Variants in POLE observed in about 807,000 individuals in gnomAD.
POLE encodes DNA polymerase epsilon, catalytic subunit, also known as DNA polymerase epsilon catalytic subunit A.
In POLE, 188 loss-of-function variants were observed where a neutral mutation model predicts 279.2. The ratio of observed to expected loss-of-function variants is 0.67; its 90% confidence interval spans 0.60 to 0.76. POLE has a LOEUF of 0.76. Ranked by LOEUF, POLE falls within the 30% of genes least tolerant of loss-of-function variation. POLE has a pLI of 0.00. For synonymous variants in POLE, 1,214 were observed against 1,172.5 expected, an observed-to-expected ratio of 1.04 and a Z score of -0.72; for missense variants, 2,703 against 3,016.7, an observed-to-expected ratio of 0.90 and a Z score of 2.44.
Position 132,679,695 on chromosome 12 carries a change from G to A in POLE, c.424-44C>T, listed in dbSNP as rs370458032. Reference sequence around the variant, plus strand: ...ACGCTCATTGGTTCAAGAGAAATAGGACTTTATGGGTGAGAGGGTAAACAC... The same window carrying A: ...ACGCTCATTGGTTCAAGAGAAATAGAACTTTATGGGTGAGAGGGTAAACAC... On this transcript the variant is annotated intron_variant, in intron 5 of 48. Transcript: ENST00000320574. 87 of 1,581,474 alleles carry A rather than the reference G, an allele frequency of 5.5e-5. No homozygotes were observed. Among genetic ancestry groups the A allele is most frequent in the Non-Finnish European group, 6.6e-5 (76 of 1,154,944 alleles).
chr12:132,674,989 G>A (rs956205386), intron 12 of POLE, among the ~76,000 whole-genome samples: 1 of 151,898 alleles, frequency 6.6e-6, no homozygotes, highest in Non-Finnish European at 1.5e-5. Context: ...GTGACTCTCC[G>A]AAGCTCTGAG....
chr12:132,638,156 G>A lies in POLE; in HGVS notation c.5553-17C>T, dbSNP rs2138502895. The A allele has an allele frequency of 1.2e-6, 2 of 1,612,866 alleles. No homozygotes were observed. The highest frequency in any genetic ancestry group is 1.7e-6 in the Non-Finnish European group (2 of 1,179,368). ...GCGATGAGCCTGTGGAGCAAGTTGA[G>A]AGTCCGTGGTGGAGACGCCACAGTC... On this transcript the variant is annotated splice_polypyrimidine_tract_variant and intron_variant, in intron 40 of 48. Coordinates refer to ENST00000320574, the MANE Select transcript of POLE (RefSeq NM_006231.4).
chr12:132,656,315 A>G (rs949912956), intron 29 of POLE, among the ~76,000 whole-genome samples: 1 of 151,844 alleles, frequency 6.6e-6, no homozygotes, highest in African/African-American at 2.4e-5. Context: ...TATAACTCTT[A>G]CAAATAAGAC....
At chr12:132,671,984 C>T (rs1451277634) in intron 16 of POLE, among the ~76,000 whole-genome samples, 1 of 152,184 alleles carries the variant, frequency 6.6e-6, no homozygotes, top group Non-Finnish European at 1.5e-5. Context: ...GACCCACCTT[C>T]CATGTTACTG....
At chr12:132,645,799 C>CA (rs2042269660) in intron 32 of POLE, among the ~76,000 whole-genome samples, 1 of 102,828 alleles carries the variant, frequency 9.7e-6, no homozygotes, top group African/African-American at 5.2e-5. Context: ...CACACACACA[C>CA]CCACACACAC....
rs185086932 is a variant in POLE at position 132,647,571 on chromosome 12, G to A, written c.4149+1358C>T. 3.3e-5 allele frequency among the ~76,000 whole-genome samples: 5 copies of A among 152,160 alleles called. No homozygotes were observed. In the East Asian group the frequency reaches 9.7e-4, roughly 29 times the overall value. Reference sequence around the variant, plus strand: ...AACAGCTAATACACACAGAGGAACAGAATCTGAAGATATCATCCTGGAGCC... The same window carrying A: ...AACAGCTAATACACACAGAGGAACAAAATCTGAAGATATCATCCTGGAGCC... On this transcript the variant is annotated intron_variant, in intron 32 of 48. Transcript: ENST00000320574.
chr12:132,675,611 C>A lies in POLE; in HGVS notation c.1107-94G>T. 6.3e-7 allele frequency: 1 copy of A among 1,592,660 alleles called. No homozygotes were observed. Among genetic ancestry groups the A allele is most frequent in the Non-Finnish European group, 8.6e-7 (1 of 1,165,940 alleles). On this transcript the variant is annotated intron_variant, in intron 11 of 48. Transcript: ENST00000320574. The surrounding 1 kb of genome is among the most constrained non-coding windows in gnomAD (Gnocchi z 4.3). Reference sequence around the variant, plus strand: ...CCTCAGACCCAGGGAGGAACCCAGACACGGGAGGTGCAGAGTGAACCCAGG... The same window carrying A: ...CCTCAGACCCAGGGAGGAACCCAGAAACGGGAGGTGCAGAGTGAACCCAGG...
In POLE at chr12:132,664,510, AG is replaced by A. The variant is rs553164179; in HGVS notation, c.2469-49del. ...TGGGTGGGGCTGGCATGGCTCCTCCAGGGGGTATCAGAGGCAGTGAGGAGTA... is the reference window on the plus strand; with the variant it reads ...TGGGTGGGGCTGGCATGGCTCCTCCAGGGGTATCAGAGGCAGTGAGGAGTA... On this transcript the variant is annotated intron_variant, in intron 21 of 48. Coordinates refer to ENST00000320574, the MANE Select transcript of POLE (RefSeq NM_006231.4). This position sits in a 1 kb window ranked among gnomAD's most constrained non-coding sequence, Gnocchi z 5.3. 1 of 1,406,838 alleles carries A rather than the reference AG, an allele frequency of 7.1e-7. No individual in the cohort carries two copies. Among genetic ancestry groups the A allele is most frequent in the African/African-American group, 1.4e-5 (1 of 70,920 alleles). The allele number at this position is 1,406,838 out of a possible 1,614,324, so 87.1% of individuals were successfully genotyped here. A position where few individuals can be genotyped will look rare whatever the true frequency, so the allele number is the denominator to read the frequency against.
chr12:132,657,993 C>A, intron 26 of POLE, 23 bp from the exon 27 acceptor site: 1 of 1,461,738 alleles, frequency 6.8e-7, no homozygotes, highest in Non-Finnish European at 9.6e-7. Context: ...GACAGGCACA[C>A]AGCTCAGTAA....
chr12:132,636,158 A>AT (rs1262121374), intron 41 of POLE, 134 bp from the exon 42 acceptor site: 3 of 914,242 alleles, frequency 3.3e-6, no homozygotes, highest in African/African-American at 1.7e-5. Context: ...AGACCACATC[A>AT]TCCCTCAGGC....
chr12:132,625,616 C>T, intron 47 of POLE, 29 bp downstream of exon 47: 2 of 1,610,854 alleles, frequency 1.2e-6, no homozygotes, highest in Non-Finnish European at 1.7e-6. Flanking sequence ...GACTCCAGGG[C>T]ACACGGGCAG....
intron 42 of POLE, among the ~76,000 whole-genome samples, chr12:132,635,379 G>A (rs1160055275): frequency 1.3e-5 from 2 of 152,144 alleles, no homozygotes; most frequent in African/African-American, 2.4e-5. Context: ...GGCACTAACC[G>A]GCTTTACCTG....
chr12:132,625,811 C>T, intron 46 of POLE, 41 bp from the exon 47 acceptor site: 2 of 1,597,718 alleles, frequency 1.3e-6, no homozygotes, highest in East Asian at 2.2e-5. Flanking sequence ...AGCCCAGCCT[C>T]CAGACCACAG....
chr12:132,680,144 G>C (rs779802023), intron 4 of POLE, 34 bp downstream of exon 4: 1 of 1,609,444 alleles, frequency 6.2e-7, no homozygotes, highest in Admixed American at 1.7e-5. Flanking sequence ...ATGACACACA[G>C]GTCGTCTGAC....
At chr12:132,682,305 T>TA (rs1295336108) in intron 1 of POLE, among the ~76,000 whole-genome samples, 5 of 75,712 alleles carry the variant, frequency 6.6e-5, no homozygotes, top group Admixed American at 1.3e-4. Context: ...AAAAAAAAAA[T>TA]AAATAAAAAT....
At chr12:132,638,216 G>A (rs2138503554) in intron 40 of POLE, 77 bp from the exon 41 acceptor site, 2 of 1,439,450 alleles carry the variant, frequency 1.4e-6, no homozygotes, top group Non-Finnish European at 1.9e-6. Context: ...AAATCCAAGA[G>A]GGAAAAGAGC....
rs774729856 is a variant in POLE at position 132,642,330 on chromosome 12, C to T, written c.5020G>A (p.Ala1674Thr). 3 of 1,596,426 alleles carry T rather than the reference C, an allele frequency of 1.9e-6. No homozygotes were observed. The highest frequency in any genetic ancestry group is 4.5e-5 in the East Asian group (2 of 44,694). ...TGGTTGTGGCGCTGGAGGTGGCGGGCAAAGAAGAGGTCGGAGCCGAATGTG... is the reference window on the plus strand; with the variant it reads ...TGGTTGTGGCGCTGGAGGTGGCGGGTAAAGAAGAGGTCGGAGCCGAATGTG... ...ISTFGSDLFF[A>T]RHLQRHNHLL... Residue 1674 changes from alanine (A) to threonine (T), a missense_variant, in exon 38 of 49, where the codon GCC (alanine) becomes ACC (threonine). Ala to Thr is a moderately conservative substitution (Grantham distance 58, BLOSUM62 0). Transcript: ENST00000320574.
At chr12:132,680,312 G>T in intron 3 of POLE, 90 bp from the exon 4 acceptor site, 2 of 1,230,922 alleles carry the variant, frequency 1.6e-6, no homozygotes, top group Non-Finnish European at 1.2e-6. Flanking sequence ...TATATCCCAT[G>T]AACAGCCTAG....
Position 132,668,973 on chromosome 12 carries a change from G to T in POLE, c.1795-34C>A. The T allele has an allele frequency of 6.2e-7, 1 of 1,603,158 alleles. No homozygotes were observed. Among genetic ancestry groups the T allele is most frequent in the South Asian group, 1.1e-5 (1 of 90,068 alleles). On this transcript the variant is annotated intron_variant, in intron 16 of 48. Coordinates refer to ENST00000320574, the MANE Select transcript of POLE (RefSeq NM_006231.4). The surrounding 1 kb of genome is among the most constrained non-coding windows in gnomAD (Gnocchi z 4.0). ...AAAGCGAAACTCAGTAGAGGCTGGT[G>T]ACCAAGCTTGCCTCGTGTGCAGTTC...
Sources: gnomAD v4.1 joint callset for allele counts (sites outside exome capture counted in the v4.1 genomes callset) on GRCh38, gnomAD v4.1.1 for gene constraint, Gnocchi (gnomAD v3.1) non-coding constraint, MANE v1.5 for transcripts, NCBI Gene and HGNC (gene_info 2026-07-23, HGNC 2026-07-21) for gene names.